The following NKX2-2 variants were observed in gnomAD, a reference collection of about 807,000 sequenced individuals.
NKX2-2 encodes the protein homeobox protein Nkx-2.2.
A neutral mutation model predicts 24.6 loss-of-function variants in NKX2-2; 8 were observed. The observed-to-expected ratio is 0.32, with a 90% CI of 0.19 to 0.59. The LOEUF is 0.59. Ranked by LOEUF, NKX2-2 falls within the 20% of genes least tolerant of loss-of-function variation. The pLI is 0.86. For missense variants in NKX2-2, 381 were observed against 373.9 expected (o/e 1.02, Z -0.16); for synonymous variants, 217 against 173.3 (o/e 1.25, Z -1.98).
At chr20:21,520,492 A>G in the NKX2-2 span, among the ~76,000 whole-genome samples, 1 of 152,242 alleles carries the variant, frequency 6.6e-6, no homozygotes, top group African/African-American at 2.4e-5. Flanking sequence ...GGACTTTGAT[A>G]AATGCACTTT....
At chr20:21,519,920 C>T in the NKX2-2 span, among the ~76,000 whole-genome samples, 1 of 152,040 alleles carries the variant, frequency 6.6e-6, no homozygotes. Flanking sequence ...AGACTCACAG[C>T]CATTGGACAG....
At position 21,513,580 on chromosome 20, in the gene NKX2-2, T is replaced by G; in HGVS notation, c.90A>C (p.Glu30Asp). 3.7e-6 allele frequency: 6 copies of G among 1,613,552 alleles called. No homozygotes were observed. Among genetic ancestry groups the G allele is most frequent in the Non-Finnish European group, 5.1e-6 (6 of 1,179,734 alleles). The change falls in exon 1 of 2, where the codon GAA becomes GAC. Residue 30 changes from glutamate (E) to aspartate (D), a missense_variant. Glu to Asp is a conservative substitution (Grantham distance 45, BLOSUM62 2). Around this residue, in one of 3 missense-constraint regions of NKX2-2, gnomAD observed 206 missense variants for 173.1 expected, o/e 1.19. Coordinates refer to ENST00000377142, the MANE Select transcript of NKX2-2 (RefSeq NM_002509.4). This position sits in a 1 kb window ranked among gnomAD's most constrained non-coding sequence, Gnocchi z 4.6. ...GCCCCTCGTTCTCTTCCTCCGGACC[T>G]TCGGCCACAGAGCCCTCCTCATCGT... ...DTNDEEGSVAEGPEEENEGPE... is the reference protein window; with the variant it reads ...DTNDEEGSVADGPEEENEGPE...
At chr20:21,520,027 T>C in the NKX2-2 span, among the ~76,000 whole-genome samples, 1 of 151,842 alleles carries the variant, frequency 6.6e-6, no homozygotes, top group South Asian at 2.1e-4. Context: ...CTTTGGTCCA[T>C]ATTATATTAA....
At chr20:21,517,746 T>G (rs1980677691), upstream of NKX2-2, among the ~76,000 whole-genome samples, 1 of 152,146 alleles carries the variant, frequency 6.6e-6, no homozygotes, top group African/African-American at 2.4e-5. Flanking sequence ...AACGCACCTT[T>G]TCTGTCCCAA....
chr20:21,520,937 T>C, the NKX2-2 span, among the ~76,000 whole-genome samples: 1 of 152,206 alleles, frequency 6.6e-6, no homozygotes, highest in African/African-American at 2.4e-5. Context: ...CTGAATTTAC[T>C]TCTTAACACG....
chr20:21,512,962 A>G (rs1263560772), intron 1 of NKX2-2, among the ~76,000 whole-genome samples: 2 of 152,042 alleles, frequency 1.3e-5, no homozygotes, highest in Non-Finnish European at 2.9e-5. Flanking sequence ...GTCCTCTATG[A>G]TCGCGCAGGG....
chr20:21,516,199 G>A (rs974131352), upstream of NKX2-2, among the ~76,000 whole-genome samples: 1 of 151,990 alleles, frequency 6.6e-6, no homozygotes, highest in Admixed American at 6.5e-5. Context: ...CCTTTTCAAT[G>A]GACTATCTCT....
chr20:21,512,632 C>T (rs1340717304), intron 1 of NKX2-2, 147 bp from the exon 2 acceptor site: 1 of 649,382 alleles, frequency 1.5e-6, no homozygotes, highest in Non-Finnish European at 2.6e-6. Context: ...TGACCCCTGC[C>T]TTCCTCTACG....
In NKX2-2 at chr20:21,512,345, G is replaced by T. The variant is rs972926947; in HGVS notation, c.400C>A (p.Leu134Ile). ...DAGKKRKRRVLFSKAQTYELE... is the reference protein window; with the variant it reads ...DAGKKRKRRVIFSKAQTYELE... Reference sequence around the variant, plus strand: ...TCGTAGGTCTGCGCCTTGGAGAAAAGCACTCGCCGCTTTCGCTTCTTGCCG... The same window carrying T: ...TCGTAGGTCTGCGCCTTGGAGAAAATCACTCGCCGCTTTCGCTTCTTGCCG... Residue 134 changes from leucine (L) to isoleucine (I), a missense_variant, in exon 2 of 2, where the codon CTT (leucine) becomes ATT (isoleucine). Transcript: ENST00000377142. 1.2e-6 allele frequency: 2 copies of T among 1,611,908 alleles called. No individual in the cohort carries two copies. Among genetic ancestry groups the T allele is most frequent in the Non-Finnish European group, 1.7e-6 (2 of 1,179,382 alleles).
At chr20:21,516,249 C>T (rs1040587549), upstream of NKX2-2, among the ~76,000 whole-genome samples, 4 of 152,084 alleles carry the variant, frequency 2.6e-5, no homozygotes, top group African/African-American at 7.2e-5. Flanking sequence ...TAAGGAAACC[C>T]CTTCATGTCG....
At chr20:21,519,205 C>G in the NKX2-2 span, among the ~76,000 whole-genome samples, 2 of 152,230 alleles carry the variant, frequency 1.3e-5, no homozygotes, top group African/African-American at 4.8e-5. Context: ...TTCATTTCTT[C>G]GTCTTTTTTT....
At chr20:21,520,089 AC>A in the NKX2-2 span, among the ~76,000 whole-genome samples, 1 of 152,028 alleles carries the variant, frequency 6.6e-6, no homozygotes, top group African/African-American at 2.4e-5. Context: ...TCCCAGATGG[AC>A]AATCCTCCCA....
At chr20:21,514,504 T>C (rs879628627), upstream of NKX2-2, among the ~76,000 whole-genome samples, 1 of 51,982 alleles carries the variant, frequency 1.9e-5, no homozygotes, top group Non-Finnish European at 3.8e-5. Context: ...TTAAAAAAGG[T>C]GGGGGTGGGG....
At chr20:21,515,996 C>T (rs1980629876), upstream of NKX2-2, among the ~76,000 whole-genome samples, 1 of 152,236 alleles carries the variant, frequency 6.6e-6, no homozygotes, top group African/African-American at 2.4e-5. Context: ...AACACAAATA[C>T]AAACCGATTG....
In NKX2-2 at chr20:21,511,635, G is replaced by C. The variant is rs909920362; in HGVS notation, c.*288C>G. ...GACGGTTTGGTCCCCCCGGGGAGAG[G>C]CAAAGAAGCGAAGCTGCGCAAACAT... On this transcript the variant is annotated 3_prime_UTR_variant, in exon 2 of 2. Coordinates refer to ENST00000377142, the MANE Select transcript of NKX2-2 (RefSeq NM_002509.4). 5 of 303,946 alleles carry C rather than the reference G, an allele frequency of 1.6e-5. No homozygotes were observed. Among genetic ancestry groups the C allele is most frequent in the Non-Finnish European group, 3.0e-5 (5 of 168,036 alleles). The allele number at this position is 303,946 out of a possible 1,614,324, so 18.8% of individuals were successfully genotyped here. A position where few individuals can be genotyped will look rare whatever the true frequency, so the allele number is the denominator to read the frequency against.
chr20:21,511,783 G>A lies in NKX2-2; in HGVS notation c.*140C>T, dbSNP rs896739405. 9.3e-6 allele frequency: 6 copies of A among 648,218 alleles called. No homozygotes were observed. The allele number at this position is 648,218 out of a possible 1,614,324, so 40.2% of individuals were successfully genotyped here. A position where few individuals can be genotyped will look rare whatever the true frequency, so the allele number is the denominator to read the frequency against. On this transcript the variant is annotated 3_prime_UTR_variant, in exon 2 of 2. Coordinates refer to ENST00000377142, the MANE Select transcript of NKX2-2 (RefSeq NM_002509.4). ...CAGGCAACCTCCCGGCGCCTCCCTA[G>A]TGGAGCCGAGAGTCAACTCGACTCC...
In NKX2-2 at chr20:21,511,772, G is replaced by A. The variant is rs1980436961; in HGVS notation, c.*151C>T. On this transcript the variant is annotated 3_prime_UTR_variant, in exon 2 of 2. Transcript: ENST00000377142. ...CCAAGGAGACGCAGGCAACCTCCCG[G>A]CGCCTCCCTAGTGGAGCCGAGAGTC... The A allele has an allele frequency of 8.8e-6, 5 of 569,562 alleles. No individual in the cohort carries two copies. The highest frequency in any genetic ancestry group is 1.4e-5 in the Non-Finnish European group (5 of 351,796). The allele number at this position is 569,562 out of a possible 1,614,324, so 35.3% of individuals were successfully genotyped here.
Position 21,513,505 on chromosome 20 carries a change from C to A in NKX2-2, c.165G>T (p.Ala55=), listed in dbSNP as rs1980518134. 6 of 1,612,236 alleles carry A rather than the reference C, an allele frequency of 3.7e-6. No homozygotes were observed. Among genetic ancestry groups the A allele is most frequent in the Middle Eastern group, 1.6e-4 (1 of 6,076 alleles). The part of the protein sequence containing the change: ...AGPLGQGALD[A]VQSLPLKNPF... ...GGTTCTTCAGGGGCAGGCTCTGCACCGCGTCCAGGGCGCCCTGCCCCAGCG... is the reference window on the plus strand; with the variant it reads ...GGTTCTTCAGGGGCAGGCTCTGCACAGCGTCCAGGGCGCCCTGCCCCAGCG... Residue 55 remains alanine, a synonymous_variant, in exon 1 of 2, where the codon GCG becomes GCT. Transcript: ENST00000377142. The surrounding 1 kb of genome is among the most constrained non-coding windows in gnomAD (Gnocchi z 4.6).
chr20:21,518,649 C>G (rs1251552323), upstream of NKX2-2, among the ~76,000 whole-genome samples: 1 of 152,244 alleles, frequency 6.6e-6, no homozygotes, highest in East Asian at 1.9e-4. Context: ...CAAACACGAG[C>G]GCCTTTTCTG....
Sources: gnomAD v4.1 joint callset for allele counts (sites outside exome capture counted in the v4.1 genomes callset) on GRCh38, gnomAD v4.1.1 for gene constraint, gnomAD v4.1.1 regional missense constraint, Gnocchi (gnomAD v3.1) non-coding constraint, MANE v1.5 for transcripts, NCBI Gene and HGNC (gene_info 2026-07-23, HGNC 2026-07-21) for gene names.